The following TMEM132D variants were observed in gnomAD, a reference collection of about 807,000 sequenced individuals.
TMEM132D encodes mature OL transmembrane protein.
In TMEM132D, 21 loss-of-function variants were observed where a neutral mutation model predicts 62.3. That is an observed-to-expected ratio of 0.34 (90% CI 0.24 to 0.49). TMEM132D has a LOEUF of 0.49. Among genes scored for constraint, TMEM132D ranks in the 20% least tolerant of loss-of-function variants. The pLI is 0.99. For synonymous variants in TMEM132D, 621 were observed against 575.6 expected, an observed-to-expected ratio of 1.08 and a Z score of -1.13; for missense variants, 1,346 against 1,402.8, an observed-to-expected ratio of 0.96 and a Z score of 0.65.
intron 2 of TMEM132D, among the ~76,000 whole-genome samples, chr12:129,660,531 C>G (rs556756357): frequency 1.4e-4 from 22 of 152,216 alleles, no homozygotes; most frequent in Non-Finnish European, 2.5e-4. Flanking sequence ...AGATGTGTCC[C>G]CTTTATGCGC....
rs1881040333 is a variant in TMEM132D, at chr12:129,277,801, G to A, written c.1299+59833C>T. 6.6e-6 allele frequency among the ~76,000 whole-genome samples: 1 copy of A among 152,160 alleles called. No individual in the cohort carries two copies. The highest frequency in any genetic ancestry group is 2.4e-5 in the African/African-American group (1 of 41,446). ...TGTCCTCTGGTGACACTCATGATGT[G>A]AATATGACAAAGTTTGGAAAATACT... On this transcript the variant is annotated intron_variant, in intron 4 of 8. Transcript: ENST00000422113. The surrounding 1 kb of genome is among the most constrained non-coding windows in gnomAD (Gnocchi z 4.2).
At chr12:129,457,770 T>C (rs1455069425) in intron 3 of TMEM132D, among the ~76,000 whole-genome samples, 2 of 151,886 alleles carry the variant, frequency 1.3e-5, no homozygotes, top group Non-Finnish European at 2.9e-5. Flanking sequence ...GCCACACACT[T>C]GCAAACAACC....
At chr12:129,826,120 T>G (rs1479267538) in intron 1 of TMEM132D, among the ~76,000 whole-genome samples, 1 of 152,136 alleles carries the variant, frequency 6.6e-6, no homozygotes, top group Non-Finnish European at 1.5e-5. Context: ...TGAGACTTGC[T>G]GCATCCCTGA....
intron 2 of TMEM132D, among the ~76,000 whole-genome samples, chr12:129,602,553 G>T (rs977979767): frequency 6.6e-6 from 1 of 152,130 alleles, no homozygotes; most frequent in African/African-American, 2.4e-5. Context: ...ATCCAACTCC[G>T]GTGGCAGAAA....
intron 5 of TMEM132D, among the ~76,000 whole-genome samples, chr12:129,089,522 C>T (rs1195795286): frequency 3.7e-5 from 5 of 135,678 alleles, no homozygotes; most frequent in Non-Finnish European, 7.9e-5. Flanking sequence ...CGGGTGTCCT[C>T]CATGACCGGG....
chr12:129,854,900 A>C (rs1328016840), intron 1 of TMEM132D: 2 of 152,274 alleles, frequency 1.3e-5, no homozygotes, highest in African/African-American at 2.4e-5. Flanking sequence ...GGTCTACCAG[A>C]TGACTTTTCA....
chr12:129,792,236 G>A (rs1308726968), intron 1 of TMEM132D, among the ~76,000 whole-genome samples: 1 of 152,190 alleles, frequency 6.6e-6, no homozygotes, highest in African/African-American at 2.4e-5. Context: ...ACTGGAGACA[G>A]TAGGGGATAG....
intron 1 of TMEM132D, among the ~76,000 whole-genome samples, chr12:129,764,140 C>T (rs1870473915): frequency 6.6e-6 from 1 of 152,186 alleles, no homozygotes; most frequent in Non-Finnish European, 1.5e-5. Flanking sequence ...CATCAGGTAG[C>T]AAGCCCATCA....
chr12:129,126,196 T>C (rs1301330159), intron 5 of TMEM132D, among the ~76,000 whole-genome samples: 2 of 152,194 alleles, frequency 1.3e-5, no homozygotes, highest in African/African-American at 4.8e-5. Context: ...AATCCACTTA[T>C]GTTAATATCT....
chr12:129,174,580 T>G (rs1268952569), intron 5 of TMEM132D, among the ~76,000 whole-genome samples: 1 of 152,188 alleles, frequency 6.6e-6, no homozygotes, highest in Non-Finnish European at 1.5e-5. Flanking sequence ...TTATATTCAC[T>G]TGGGTATATA....
chr12:129,131,308 C>T (rs757746661), intron 5 of TMEM132D, among the ~76,000 whole-genome samples: 2 of 152,170 alleles, frequency 1.3e-5, no homozygotes, highest in Non-Finnish European at 2.9e-5. Context: ...CAAACAACCA[C>T]ATACAAGAAA....
At chr12:129,098,918 A>G (rs1333051032) in intron 5 of TMEM132D, among the ~76,000 whole-genome samples, 1 of 152,120 alleles carries the variant, frequency 6.6e-6, no homozygotes, top group Non-Finnish European at 1.5e-5. Flanking sequence ...GTCTCCCTTA[A>G]AGCACAGGAT....
intron 5 of TMEM132D, among the ~76,000 whole-genome samples, chr12:129,198,243 G>T (rs758464604): frequency 6.6e-6 from 1 of 152,198 alleles, no homozygotes; most frequent in African/African-American, 2.4e-5. Flanking sequence ...AGTCATTATG[G>T]AGAACCATAC....
At chr12:129,458,191 C>T (rs908884563) in intron 3 of TMEM132D, among the ~76,000 whole-genome samples, 2 of 152,150 alleles carry the variant, frequency 1.3e-5, no homozygotes, top group African/African-American at 4.8e-5. Context: ...ACTAAATTTT[C>T]CTCTATTCCC....
rs2135602851 is a variant in TMEM132D, at chr12:129,074,385, G to A, written c.2790C>T (p.Ala930=). The stretch of plus-strand genomic sequence containing the variant: ...CACAGTTTATCAAGAAGACCAAAAT[G>A]GCCAAACAGAAGACTCCCAACAAAG... The part of the protein sequence containing the change: ...MYALLGVFCL[A]ILVFLINCVT... Residue 930 remains alanine, a synonymous_variant, in exon 9 of 9, where the codon GCC becomes GCT. Coordinates refer to ENST00000422113, the MANE Select transcript of TMEM132D (RefSeq NM_133448.3). 6.2e-7 allele frequency: 1 copy of A among 1,613,986 alleles called. No individual in the cohort carries two copies. The highest frequency in any genetic ancestry group is 8.5e-7 in the Non-Finnish European group (1 of 1,180,018).
At chr12:129,608,028 T>C (rs1432475196) in intron 2 of TMEM132D, among the ~76,000 whole-genome samples, 3 of 152,148 alleles carry the variant, frequency 2.0e-5, no homozygotes, top group Non-Finnish European at 4.4e-5. Flanking sequence ...TGTGAAATAT[T>C]GATTGCTGTG....
At chr12:129,384,743 C>G (rs981770796) in intron 3 of TMEM132D, among the ~76,000 whole-genome samples, 1 of 152,182 alleles carries the variant, frequency 6.6e-6, no homozygotes, top group African/African-American at 2.4e-5. Flanking sequence ...AACACAGTCT[C>G]CAGGTGATGC....
At chr12:129,421,044 C>T (rs1872307860) in intron 3 of TMEM132D, among the ~76,000 whole-genome samples, 1 of 150,938 alleles carries the variant, frequency 6.6e-6, no homozygotes, top group African/African-American at 2.4e-5. Context: ...TCATTGCAAC[C>T]TCTGCCTCCC....
At chr12:129,101,112 A>C (rs1393369403) in intron 5 of TMEM132D, among the ~76,000 whole-genome samples, 3 of 151,816 alleles carry the variant, frequency 2.0e-5, no homozygotes, top group Admixed American at 2.0e-4. Flanking sequence ...CTGTGGCACC[A>C]GTTGATGGCA....
Sources: gnomAD v4.1 joint callset for allele counts (sites outside exome capture counted in the v4.1 genomes callset) on GRCh38, gnomAD v4.1.1 for gene constraint, Gnocchi (gnomAD v3.1) non-coding constraint, MANE v1.5 for transcripts, NCBI Gene and HGNC (gene_info 2026-07-23, HGNC 2026-07-21) for gene names.